The following SKAP2 variants were observed in gnomAD, a reference collection of about 807,000 sequenced individuals.
SKAP2 encodes the protein src kinase associated phosphoprotein 2.
SKAP2 carries 28 observed loss-of-function variants against 54.9 expected under a neutral mutation model. That is an observed-to-expected ratio of 0.51 (90% CI 0.38 to 0.70). The LOEUF (loss-of-function observed/expected upper bound fraction) is 0.70. SKAP2 is among the 30% of genes least tolerant of loss of function. The pLI is 0.00. For synonymous variants in SKAP2, 137 were observed against 134.3 expected (o/e 1.02, Z -0.14); for missense variants, 356 against 424.1 (o/e 0.84, Z 1.41).
intron 4 of SKAP2, among the ~76,000 whole-genome samples, chr7:26,817,165 A>C (rs530011310): frequency 5.3e-5 from 8 of 152,284 alleles, no homozygotes; most frequent in African/African-American, 1.9e-4. Flanking sequence ...TTCAATCTTT[A>C]TATATCTGGA....
At chr7:26,860,074 C>G (rs1235968611) in intron 1 of SKAP2, among the ~76,000 whole-genome samples, 1 of 152,126 alleles carries the variant, frequency 6.6e-6, no homozygotes, top group Non-Finnish European at 1.5e-5. Context: ...GAGCAATAAG[C>G]CCATTTGCAA....
intron 4 of SKAP2, among the ~76,000 whole-genome samples, chr7:26,837,287 A>T (rs191639867): frequency 1.3e-5 from 2 of 152,278 alleles, no homozygotes; most frequent in African/African-American, 2.4e-5. Context: ...ATACCTATGT[A>T]ACAAACCTGC....
rs1425940638 is a variant in SKAP2 at position 26,854,181 on chromosome 7, A to AT, written c.174-20dup. 6.5e-7 allele frequency: 1 copy of AT among 1,532,338 alleles called. No individual in the cohort carries two copies. Among genetic ancestry groups the AT allele is most frequent in the African/African-American group, 1.4e-5 (1 of 71,944 alleles). 94.9% of individuals were successfully genotyped at this position (1,532,338 alleles called of 1,614,324 possible). A position where few individuals can be genotyped will look rare whatever the true frequency, so the allele number is the denominator to read the frequency against. On this transcript the variant is annotated intron_variant, in intron 2 of 12. Coordinates refer to ENST00000345317, the MANE Select transcript of SKAP2 (RefSeq NM_003930.5). ...AAGATAGCTACAAAACAAAGAACATATTTTTAAATGAGGTTGAAAAATCAA... is the reference window on the plus strand; with the variant it reads ...AAGATAGCTACAAAACAAAGAACATATTTTTTAAATGAGGTTGAAAAATCAA...
chr7:26,738,653 C>T (rs1782363086), intron 6 of SKAP2, 142 bp downstream of exon 6: 1 of 559,700 alleles, frequency 1.8e-6, no homozygotes. Flanking sequence ...TGAAATGAAT[C>T]ATAAATTAGT....
intron 6 of SKAP2, among the ~76,000 whole-genome samples, chr7:26,738,175 C>T (rs1415595794): frequency 6.6e-6 from 1 of 152,106 alleles, no homozygotes; most frequent in Non-Finnish European, 1.5e-5. Context: ...ACTCTGTGAC[C>T]TTGAACAAGT....
chr7:26,673,557 G>A (rs1786285366), intron 11 of SKAP2, among the ~76,000 whole-genome samples: 1 of 152,042 alleles, frequency 6.6e-6, no homozygotes. Context: ...ATCCAGAGGT[G>A]TAGTGATGCT....
chr7:26,808,443 G>A lies in SKAP2; in HGVS notation c.307+35587C>T, dbSNP rs181276626. 1.3e-4 allele frequency among the ~76,000 whole-genome samples: 20 copies of A among 152,260 alleles called. No homozygotes were observed. The East Asian group carries it at 3.7e-3, about 28-fold the overall frequency. On this transcript the variant is annotated intron_variant, in intron 4 of 12. Transcript: ENST00000345317. ...ATTCAGAGACTAAAAATAGAATAGA[G>A]GTTGTGGGAGCAGAGGGTAGGGAGG...
At chr7:26,846,918 AGCCAAGATCATGCCACTGCAGTGG>A (rs1283044162) in intron 3 of SKAP2, among the ~76,000 whole-genome samples, 11 of 152,158 alleles carry the variant, frequency 7.2e-5, no homozygotes, top group African/African-American at 2.7e-4. Context: ...GGAGGCGGTG[AGCCAAGATCATGCCACTGCAGTGG>A]GCCAAGATTA....
intron 4 of SKAP2, among the ~76,000 whole-genome samples, chr7:26,753,803 G>A (rs976811336): frequency 1.3e-5 from 2 of 152,090 alleles, no homozygotes; most frequent in Non-Finnish European, 2.9e-5. Flanking sequence ...TCATGATTAG[G>A]TGCAATTCCC....
intron 9 of SKAP2, among the ~76,000 whole-genome samples, chr7:26,716,548 A>C (rs1287530994): frequency 6.6e-6 from 1 of 152,166 alleles, no homozygotes; most frequent in East Asian, 1.9e-4. Context: ...AAAATGTCTA[A>C]TGCAAACATT....
chr7:26,755,454 A>T (rs2189017), intron 4 of SKAP2, among the ~76,000 whole-genome samples: 1 of 152,036 alleles, frequency 6.6e-6, no homozygotes, highest in Non-Finnish European at 1.5e-5. Flanking sequence ...ATAATGAACT[A>T]CAAATTAATA....
At chr7:26,799,757 G>A (rs147357115) in intron 4 of SKAP2, among the ~76,000 whole-genome samples, 13 of 152,158 alleles carry the variant, frequency 8.5e-5, no homozygotes, top group Non-Finnish European at 1.8e-4. Context: ...TGCAGAATAC[G>A]CATTCTTTTC....
intron 4 of SKAP2, among the ~76,000 whole-genome samples, chr7:26,824,722 G>A (rs1265587010): frequency 6.6e-6 from 1 of 152,164 alleles, no homozygotes; most frequent in Non-Finnish European, 1.5e-5. Context: ...TGCTGTTGTA[G>A]CATGAACACA....
intron 4 of SKAP2, among the ~76,000 whole-genome samples, chr7:26,774,158 C>T (rs1034578939): frequency 3.3e-5 from 5 of 151,820 alleles, no homozygotes; most frequent in Non-Finnish European, 7.4e-5. Flanking sequence ...ACTAAAATTA[C>T]AAAAATTAGC....
rs182818038 is a variant in SKAP2, at chr7:26,686,935, G to A, written c.875-2087C>T. 2.0e-5 allele frequency among the ~76,000 whole-genome samples: 3 copies of A among 152,162 alleles called. No individual in the cohort carries two copies. In the East Asian group the frequency reaches 5.8e-4, roughly 30 times the overall value. On this transcript the variant is annotated intron_variant, in intron 10 of 12. Transcript: ENST00000345317. ...GCCTTAGGCTTGCTCCAAAAAAGTGGAAGAAACAAAACTTGGACTAAAAAC... is the reference window on the plus strand; with the variant it reads ...GCCTTAGGCTTGCTCCAAAAAAGTGAAAGAAACAAAACTTGGACTAAAAAC...
At chr7:26,727,843 T>C (rs1787740395) in intron 6 of SKAP2, among the ~76,000 whole-genome samples, 1 of 152,168 alleles carries the variant, frequency 6.6e-6, no homozygotes, top group South Asian at 2.1e-4. Context: ...ATAGAAAAAC[T>C]ATACAGCTAT....
chr7:26,680,374 T>A (rs1311358746), intron 11 of SKAP2, among the ~76,000 whole-genome samples: 1 of 152,210 alleles, frequency 6.6e-6, no homozygotes, highest in Non-Finnish European at 1.5e-5. Flanking sequence ...TATAATATTA[T>A]GTTCCTGTTT....
intron 7 of SKAP2, 155 bp downstream of exon 7, chr7:26,726,725 CCT>C (rs765296793): frequency 1.3e-5 from 7 of 535,112 alleles, no homozygotes; most frequent in African/African-American, 6.0e-5. Context: ...TTAAAAATTT[CCT>C]CTTATATGAA....
the SKAP2 span, among the ~76,000 whole-genome samples, chr7:26,660,956 G>T: frequency 2.0e-5 from 3 of 151,990 alleles, no homozygotes; most frequent in Non-Finnish European, 4.4e-5. Context: ...ACAATTGCTA[G>T]ACTAGAAAAT....
Sources: allele counts gnomAD v4.1 joint callset (sites outside exome capture counted in the v4.1 genomes callset), GRCh38; gene constraint gnomAD v4.1.1; transcripts MANE v1.5; gene names NCBI Gene and HGNC (gene_info 2026-07-23, HGNC 2026-07-21).